The following ATXN8OS variants were observed in gnomAD, a reference collection of about 807,000 sequenced individuals.
ATXN8OS encodes ATXN8 opposite strand lncRNA, also known as ATXN8 opposite strand (non-protein coding).
chr13:70,107,887 C>T (rs992229238), exon 1 of ATXN8OS: 17 of 534,592 alleles, frequency 3.2e-5, no homozygotes, highest in African/African-American at 9.6e-5. Context: ...ACGGCAAAGC[C>T]GCGCGTTTCA....
chr13:70,140,977 A>T (rs1371783055), intron 3 of ATXN8OS, among the ~76,000 whole-genome samples: 2 of 152,172 alleles, frequency 1.3e-5, no homozygotes, highest in Non-Finnish European at 2.9e-5. Context: ...TACAGTGGAT[A>T]AACTGAGTCT....
chr13:70,152,981 G>T (rs778771347), intron 4 of ATXN8OS, among the ~76,000 whole-genome samples: 10 of 150,320 alleles, frequency 6.7e-5, no homozygotes, highest in Admixed American at 1.3e-4. Context: ...AAAAGAAGGA[G>T]AAATAGAGAG....
chr13:70,153,670 T>C (rs1282783316), intron 4 of ATXN8OS, among the ~76,000 whole-genome samples: 1 of 152,116 alleles, frequency 6.6e-6, no homozygotes, highest in African/African-American at 2.4e-5. Flanking sequence ...TTTATTGTTG[T>C]TGGTTTTCTT....
At chr13:70,115,796 G>A (rs1888270957) in intron 2 of ATXN8OS, among the ~76,000 whole-genome samples, 1 of 152,008 alleles carries the variant, frequency 6.6e-6, no homozygotes, top group Non-Finnish European at 1.5e-5. Context: ...TGAAACTGTG[G>A]TTCTACAATT....
intron 3 of ATXN8OS, among the ~76,000 whole-genome samples, chr13:70,142,801 G>C (rs549037820): frequency 6.6e-6 from 1 of 151,994 alleles, no homozygotes; most frequent in African/African-American, 2.4e-5. Context: ...GCGGCCGGCC[G>C]CAGGGCTCAT....
chr13:70,108,664 A>G (rs1018300575), intron 1 of ATXN8OS, among the ~76,000 whole-genome samples: 14 of 152,224 alleles, frequency 9.2e-5, no homozygotes, highest in Non-Finnish European at 1.9e-4. Context: ...TAGCAATACA[A>G]GGAAAGAAAA....
At chr13:70,110,282 T>C (rs915930704) in intron 1 of ATXN8OS, among the ~76,000 whole-genome samples, 3 of 152,130 alleles carry the variant, frequency 2.0e-5, no homozygotes, top group Non-Finnish European at 4.4e-5. Flanking sequence ...TACCTTTCTA[T>C]ATTTGTCAAT....
At chr13:70,118,600 A>T (rs1201309940) in intron 2 of ATXN8OS, among the ~76,000 whole-genome samples, 6 of 152,056 alleles carry the variant, frequency 3.9e-5, no homozygotes, top group Admixed American at 6.6e-5. Context: ...AATTTTTTTA[A>T]AAAATTAATT....
At chr13:70,112,519 T>C (rs1297628635) in intron 1 of ATXN8OS, among the ~76,000 whole-genome samples, 2 of 152,128 alleles carry the variant, frequency 1.3e-5, no homozygotes, top group Non-Finnish European at 2.9e-5. Flanking sequence ...TAACCATTCA[T>C]GGTCTATTAA....
At chr13:70,159,419 C>T (rs963094310) in intron 4 of ATXN8OS, among the ~76,000 whole-genome samples, 1 of 151,986 alleles carries the variant, frequency 6.6e-6, no homozygotes, top group African/African-American at 2.4e-5. Flanking sequence ...CTACTAGACA[C>T]TCTTGTCTCA....
chr13:70,131,930 G>T (rs1021620049), intron 3 of ATXN8OS, among the ~76,000 whole-genome samples: 1 of 152,068 alleles, frequency 6.6e-6, no homozygotes, highest in Non-Finnish European at 1.5e-5. Flanking sequence ...AATGAATAAA[G>T]ATATGAATAC....
intron 4 of ATXN8OS, among the ~76,000 whole-genome samples, chr13:70,149,130 T>C (rs1316898057): frequency 1.3e-5 from 2 of 152,146 alleles, no homozygotes; most frequent in African/African-American, 4.8e-5. Context: ...AATTTAATAT[T>C]AATTGTTTTG....
At chr13:70,108,195 A>G in intron 1 of ATXN8OS, 1 of 396,496 alleles carries the variant, frequency 2.5e-6, no homozygotes, top group Non-Finnish European at 4.4e-6. Context: ...TGGAGAGCGC[A>G]GAGAGAAAGA....
intron 4 of ATXN8OS, among the ~76,000 whole-genome samples, chr13:70,148,000 G>T (rs1303527335): frequency 6.6e-6 from 1 of 152,180 alleles, no homozygotes; most frequent in Non-Finnish European, 1.5e-5. Context: ...TTGGCAGTTG[G>T]TTGAAGGAGT....
At chr13:70,132,637 T>C (rs906719023) in intron 3 of ATXN8OS, among the ~76,000 whole-genome samples, 1 of 152,132 alleles carries the variant, frequency 6.6e-6, no homozygotes, top group East Asian at 1.9e-4. Flanking sequence ...TAAAAATATA[T>C]GCATATTGCT....
intron 3 of ATXN8OS, chr13:70,131,348 C>T (rs1220135504): frequency 2.5e-6 from 1 of 398,342 alleles, no homozygotes; most frequent in Admixed American, 4.4e-5. Flanking sequence ...GTTTTTTCCT[C>T]TCCAAGCTGT....
chr13:70,117,691 T>C (rs1305980875), intron 2 of ATXN8OS, among the ~76,000 whole-genome samples: 1 of 152,084 alleles, frequency 6.6e-6, no homozygotes, highest in Non-Finnish European at 1.5e-5. Flanking sequence ...AAGTACTTAA[T>C]TTCTTTGAGT....
intron 1 of ATXN8OS, among the ~76,000 whole-genome samples, chr13:70,114,656 T>C (rs2137470188): frequency 6.6e-6 from 1 of 152,234 alleles, no homozygotes; most frequent in African/African-American, 2.4e-5. Flanking sequence ...CATATTATTA[T>C]TTTCTTCTTA....
chr13:70,121,071 TAA>T, intron 2 of ATXN8OS, among the ~76,000 whole-genome samples: 1 of 138,796 alleles, frequency 7.2e-6, no homozygotes, highest in South Asian at 2.3e-4. Context: ...TAAAGTATAA[TAA>T]AAAAAAAAGA....
Sources: allele counts gnomAD v4.1 joint callset (sites outside exome capture counted in the v4.1 genomes callset), GRCh38; gene constraint gnomAD v4.1.1; transcripts MANE v1.5; gene names NCBI Gene and HGNC (gene_info 2026-07-23, HGNC 2026-07-21).